Variants in CPVL observed in about 807,000 individuals in gnomAD.
CPVL encodes probable serine carboxypeptidase CPVL.
CPVL carries 51 observed loss-of-function variants against 63.7 expected under a neutral mutation model. The ratio of observed to expected loss-of-function variants is 0.80; its 90% CI spans 0.64 to 1.01. CPVL has a LOEUF of 1.01. CPVL is among the 50% of genes least tolerant of loss of function. The pLI is 0.00. For missense variants in CPVL, 530 were observed against 573.1 expected, an observed-to-expected ratio of 0.92 and a Z score of 0.77; for synonymous variants, 195 against 206.0, an observed-to-expected ratio of 0.95 and a Z score of 0.46.
At chr7:29,094,971 C>A (rs1375214107) in intron 5 of CPVL, 113 bp downstream of exon 5, 5 of 771,384 alleles carry the variant, frequency 6.5e-6, no homozygotes, top group East Asian at 5.4e-5. Context: ...AGATTAAATT[C>A]TATTTTCAAA....
intron 11 of CPVL, among the ~76,000 whole-genome samples, chr7:29,062,095 C>T (rs556651200): frequency 2.6e-4 from 40 of 152,094 alleles, no homozygotes; most frequent in African/African-American, 4.8e-4. Context: ...AAGACATGAA[C>T]GCTAACCTCT....
At chr7:29,008,521 T>C (rs1250790923) in intron 12 of CPVL, among the ~76,000 whole-genome samples, 1 of 152,224 alleles carries the variant, frequency 6.6e-6, no homozygotes, top group Non-Finnish European at 1.5e-5. Flanking sequence ...TTAAAACTTT[T>C]AAAATACCAC....
chr7:29,141,531 C>T (rs762828528), intron 1 of CPVL, among the ~76,000 whole-genome samples: 12 of 151,874 alleles, frequency 7.9e-5, no homozygotes, highest in Non-Finnish European at 1.5e-4. Flanking sequence ...GCCTGGGCGA[C>T]AGGGTGAAAC....
intron 6 of CPVL, among the ~76,000 whole-genome samples, chr7:29,087,310 G>C (rs1285887455): frequency 1.3e-5 from 2 of 151,264 alleles, no homozygotes; most frequent in African/African-American, 2.4e-5. Context: ...TGTAGTCCCA[G>C]CTACTCAGGA....
At chr7:29,183,212 G>A (rs1160934890) in intron 4 of CPVL, among the ~76,000 whole-genome samples, 1 of 151,768 alleles carries the variant, frequency 6.6e-6, no homozygotes, top group Non-Finnish European at 1.5e-5. Context: ...AGCCTCCTGA[G>A]TAGCTGGGGT....
In CPVL at chr7:29,164,892, C is replaced by A. The variant is rs1360411177; in HGVS notation, c.-11+16398G>T. ...CTGTTTCTAAACTTTCTAGAGTGTT[C>A]CATTGATCTTTGTATATCTATCATT... On this transcript the variant is annotated intron_variant, in intron 5 of 16. Transcript: ENST00000409850. 2.0e-5 allele frequency among the ~76,000 whole-genome samples: 3 copies of A among 151,760 alleles called. No homozygotes were observed. The East Asian group carries it at 5.8e-4, about 29-fold the overall frequency.
chr7:29,086,292 T>TAA (rs200152508), intron 7 of CPVL, among the ~76,000 whole-genome samples, 192 bp downstream of exon 7: 4 of 121,504 alleles, frequency 3.3e-5, no homozygotes, highest in African/African-American at 1.0e-4. Context: ...AAACTCCAAC[T>TAA]AAAAAAAAAT....
chr7:29,194,906 G>T, intron 1 of CPVL: 1 of 1,519,518 alleles, frequency 6.6e-7, no homozygotes. Flanking sequence ...GTCCGCACCG[G>T]GGCTGAGCGA....
At position 29,146,512 on chromosome 7, in the gene CPVL, G is replaced by T. The variant is rs1792685705; in HGVS notation, c.-94C>A. On this transcript the variant is annotated 5_prime_UTR_variant, in exon 1 of 13. In the 5' UTR this introduces an upstream ATG that the reference lacks. Transcript: ENST00000265394. ...CTTGCAGCGCTTCCCAAATCAGGCA[G>T]AAGTGAGGCAGCCCCACCCAGTCAC... is the stretch of plus-strand genomic sequence containing the variant. The T allele has an allele frequency of 1.4e-6, 2 of 1,474,138 alleles. No homozygotes were observed. Among genetic ancestry groups the T allele is most frequent in the Admixed American group, 2.6e-5 (1 of 38,252 alleles). 91.3% of individuals were successfully genotyped at this position (1,474,138 alleles called of 1,614,324 possible). A position where few individuals can be genotyped will look rare whatever the true frequency, so the allele number is the denominator to read the frequency against.
At chr7:29,091,515 C>A (rs1253509637) in intron 6 of CPVL, among the ~76,000 whole-genome samples, 1 of 152,048 alleles carries the variant, frequency 6.6e-6, no homozygotes, top group East Asian at 1.9e-4. Context: ...CCGTCCGTTA[C>A]GTCTGTGGAG....
At chr7:29,186,562 T>C (rs1350224258) in intron 1 of CPVL, 1 of 130,352 alleles carries the variant, frequency 7.7e-6, no homozygotes, top group Admixed American at 8.9e-5. Flanking sequence ...GTGACAGAGA[T>C]GAAAGGAAAG....
intron 5 of CPVL, among the ~76,000 whole-genome samples, chr7:29,180,211 T>A (rs548015236): frequency 1.3e-5 from 2 of 152,340 alleles, no homozygotes; most frequent in Non-Finnish European, 2.9e-5. Flanking sequence ...AGAATATTTT[T>A]AAAATGTGAT....
intron 3 of CPVL, among the ~76,000 whole-genome samples, chr7:29,184,748 C>G (rs753565480): frequency 5.3e-5 from 8 of 152,028 alleles, no homozygotes; most frequent in South Asian, 2.1e-4. Flanking sequence ...ACAGAAACAC[C>G]CAGAAATAAT....
chr7:29,102,023 C>A (rs1787194243), intron 3 of CPVL, among the ~76,000 whole-genome samples: 1 of 152,184 alleles, frequency 6.6e-6, no homozygotes. Flanking sequence ...CAACTACTCA[C>A]AGGGATTGTC....
chr7:29,124,059 G>C (rs889094154), intron 1 of CPVL, among the ~76,000 whole-genome samples: 2 of 152,096 alleles, frequency 1.3e-5, no homozygotes, highest in African/African-American at 4.8e-5. Flanking sequence ...TCATTCAACA[G>C]TCAGAATTCC....
At chr7:29,032,613 C>T (rs1482543678) in intron 11 of CPVL, among the ~76,000 whole-genome samples, 3 of 152,134 alleles carry the variant, frequency 2.0e-5, no homozygotes, top group African/African-American at 7.2e-5. Context: ...TCTACGAAGA[C>T]CTGATTATAG....
At position 29,112,802 on chromosome 7, in the gene CPVL, C is replaced by T. The variant is rs747596638; in HGVS notation, c.190G>A (p.Gly64Ser). ...IQKGRELSLV[G>S]PFPGLNMKSY... ...TTCATGTTCAGTCCTGGGAAAGGGC[C>T]GACCAAACTCAATTCTCTTCCTAGT... Residue 64 changes from glycine to serine, a missense_variant, in exon 3 of 13, where the codon GGC becomes AGC. Coordinates refer to ENST00000265394, the MANE Select transcript of CPVL (RefSeq NM_031311.5). 8.7e-6 allele frequency: 14 copies of T among 1,612,788 alleles called. No homozygotes were observed. The highest frequency in any genetic ancestry group is 4.4e-5 in the South Asian group (4 of 90,976).
intron 7 of CPVL, among the ~76,000 whole-genome samples, chr7:29,076,241 T>C (rs1784231639): frequency 6.6e-6 from 1 of 152,134 alleles, no homozygotes; most frequent in African/African-American, 2.4e-5. Flanking sequence ...GCTTCTTTTG[T>C]TCTGAGTTCT....
intron 11 of CPVL, among the ~76,000 whole-genome samples, chr7:29,053,221 C>A (rs1308544268): frequency 6.6e-6 from 1 of 152,000 alleles, no homozygotes; most frequent in Non-Finnish European, 1.5e-5. Flanking sequence ...AACATATGAC[C>A]CAGTAATTCC....
Sources: allele counts gnomAD v4.1 joint callset (sites outside exome capture counted in the v4.1 genomes callset), GRCh38; gene constraint gnomAD v4.1.1; transcripts MANE v1.5; gene names NCBI Gene and HGNC (gene_info 2026-07-23, HGNC 2026-07-21).